The following SNAP23 variants were observed in gnomAD, a reference collection of about 807,000 sequenced individuals.
SNAP23 encodes the protein synaptosomal-associated protein 23.
In SNAP23, 11 loss-of-function variants were observed where a neutral mutation model predicts 29.0. That is an observed-to-expected ratio of 0.38 (90% CI 0.24 to 0.63). The LOEUF (loss-of-function observed/expected upper bound fraction) is 0.63, where lower values mean the gene tolerates loss of function less well. Among genes scored for constraint, SNAP23 ranks in the 20% least tolerant of loss-of-function variants. SNAP23 has a pLI of 0.58. For synonymous variants in SNAP23, 60 were observed against 82.9 expected (o/e 0.72, Z 1.50); for missense variants, 220 against 253.9 (o/e 0.87, Z 0.91).
At chr15:42,523,767 T>A (rs1327073298) in intron 5 of SNAP23, among the ~76,000 whole-genome samples, 1 of 152,178 alleles carries the variant, frequency 6.6e-6, no homozygotes, top group Non-Finnish European at 1.5e-5. Context: ...GGGATTTAGT[T>A]ATTTTACTCC....
In SNAP23 at chr15:42,530,300, C is replaced by T. The variant is rs556409192; in HGVS notation, c.570+481C>T. 1.5e-4 allele frequency among the ~76,000 whole-genome samples: 23 copies of T among 152,112 alleles called. No homozygotes were observed. In the South Asian group the frequency reaches 3.9e-3, roughly 26 times the overall value. Reference sequence around the variant, plus strand: ...TGAATCCTCATCTCATGAAAGAGTCCGTAGGTGAAAATCTGTTCTGCAGAA... The same window carrying T: ...TGAATCCTCATCTCATGAAAGAGTCTGTAGGTGAAAATCTGTTCTGCAGAA... On this transcript the variant is annotated intron_variant, in intron 7 of 7. Coordinates refer to ENST00000249647, the MANE Select transcript of SNAP23 (RefSeq NM_003825.4).
At chr15:42,502,920 T>C (rs547608511) in intron 1 of SNAP23, among the ~76,000 whole-genome samples, 1 of 152,312 alleles carries the variant, frequency 6.6e-6, no homozygotes, top group African/African-American at 2.4e-5. Flanking sequence ...ATCAAGCAAT[T>C]AAGTTACCAT....
upstream of SNAP23, among the ~76,000 whole-genome samples, chr15:42,493,383 T>A (rs940172006): frequency 1.8e-4 from 27 of 151,934 alleles, no homozygotes; most frequent in African/African-American, 6.5e-4. Context: ...TGTGTGTGCG[T>A]GTGTGTGTAT....
intron 1 of SNAP23, chr15:42,505,114 T>G (rs1595517316): frequency 6.6e-6 from 1 of 152,252 alleles, no homozygotes; most frequent in Non-Finnish European, 1.5e-5. Flanking sequence ...TTTTTCTTTT[T>G]TTTTCAGACA....
At chr15:42,521,128 T>C (rs925983578) in intron 5 of SNAP23, among the ~76,000 whole-genome samples, 1 of 152,222 alleles carries the variant, frequency 6.6e-6, no homozygotes, top group Non-Finnish European at 1.5e-5. Flanking sequence ...CCTCACATAG[T>C]ATTGGATATA....
chr15:42,494,252 G>A (rs114777406), upstream of SNAP23, among the ~76,000 whole-genome samples: 1,524 of 151,844 alleles, frequency 0.01, 32 homozygotes, highest in African/African-American at 0.036. Flanking sequence ...AAACTACTAA[G>A]TTGTTTTTTT....
rs1377900205 is a variant in SNAP23, at chr15:42,509,034, C to T, written c.-14-2799C>T. On this transcript the variant is annotated intron_variant, in intron 1 of 7. Transcript: ENST00000249647. The stretch of plus-strand genomic sequence containing the variant: ...GAGGGCAGGCTTTGGAGAGGTATCT[C>T]GGTTGGGGCTTTAGGAAGTGATGGA... Among the ~76,000 whole-genome samples the T allele has an allele frequency of 2.6e-5, 4 of 152,042 alleles. No homozygotes were observed. The East Asian group carries it at 5.8e-4, about 22-fold the overall frequency.
At chr15:42,508,934 A>G (rs116494729) in intron 1 of SNAP23, among the ~76,000 whole-genome samples, 4 of 152,282 alleles carry the variant, frequency 2.6e-5, no homozygotes, top group African/African-American at 7.2e-5. Flanking sequence ...ATTATTTTTC[A>G]TATTTTCTTC....
chr15:42,507,876 C>T (rs2057327300), intron 1 of SNAP23, among the ~76,000 whole-genome samples: 1 of 149,418 alleles, frequency 6.7e-6, no homozygotes, highest in Non-Finnish European at 1.5e-5. Context: ...TGCGTGGGTC[C>T]ACTTATAGGT....
At chr15:42,515,076 TATC>T (rs1240011630) in intron 4 of SNAP23, among the ~76,000 whole-genome samples, 158 bp from the exon 5 acceptor site, 3 of 152,210 alleles carry the variant, frequency 2.0e-5, no homozygotes, top group Admixed American at 1.3e-4. Flanking sequence ...GAAAGATTGT[TATC>T]ATGTTGAATC....
chr15:42,510,259 C>G (rs1055930603), intron 1 of SNAP23, among the ~76,000 whole-genome samples: 4 of 152,046 alleles, frequency 2.6e-5, no homozygotes, highest in African/African-American at 4.8e-5. Context: ...CCCCAACCTC[C>G]CCGGTAGCTG....
At chr15:42,519,157 C>T (rs1229204058) in intron 5 of SNAP23, among the ~76,000 whole-genome samples, 6 of 151,464 alleles carry the variant, frequency 4.0e-5, no homozygotes, top group Non-Finnish European at 4.4e-5. Context: ...TAGGTTCAAC[C>T]GATTCTCCTG....
At chr15:42,523,160 A>G (rs2057464717) in intron 5 of SNAP23, among the ~76,000 whole-genome samples, 1 of 151,348 alleles carries the variant, frequency 6.6e-6, no homozygotes, top group Admixed American at 6.6e-5. Context: ...CCATTTTTGA[A>G]TGAGACGTTT....
intron 4 of SNAP23, among the ~76,000 whole-genome samples, 156 bp from the exon 5 acceptor site, chr15:42,515,081 T>C (rs2057387707): frequency 6.6e-6 from 1 of 152,216 alleles, no homozygotes; most frequent in South Asian, 2.1e-4. Flanking sequence ...ATTGTTATCA[T>C]GTTGAATCGC....
At chr15:42,520,285 G>A (rs1247569608) in intron 5 of SNAP23, among the ~76,000 whole-genome samples, 8 of 151,888 alleles carry the variant, frequency 5.3e-5, no homozygotes, top group South Asian at 2.1e-4. Context: ...TCCTGACCAC[G>A]TGATCCATCC....
chr15:42,528,303 G>A lies in SNAP23; in HGVS notation c.308G>A (p.Trp103Ter). The A allele has an allele frequency of 6.2e-7, 1 of 1,614,076 alleles. No homozygotes were observed. Among genetic ancestry groups the A allele is most frequent in the Non-Finnish European group, 8.5e-7 (1 of 1,179,972 alleles). The change falls in exon 6 of 8, where the codon TGG becomes TAG. Residue 103 changes from tryptophan (W) to a stop codon, truncating the protein, a stop_gained. Transcript: ENST00000249647. LOFTEE classifies it high-confidence loss of function. The stretch of plus-strand genomic sequence containing the variant: ...TCTGGCAAGGCTTATAAGACAACAT[G>A]GGGAGATGGTGGAGAAAACTCACCT... ...FESGKAYKTTWGDGGENSPCN... is the reference protein window; with the variant it reads ...FESGKAYKTT
chr15:42,528,357 C>T lies in SNAP23; in HGVS notation c.362C>T (p.Pro121Leu), dbSNP rs745507637. ...AATGTAGTATCTAAACAGCCAGGCC[C>T]GGTGACAAATGGTCAGCTTCAGCAA... ...PCNVVSKQPG[P>L]VTNGQLQQPT... is the part of the protein sequence containing the mutation. Residue 121 changes from proline (P) to leucine (L), a missense_variant, in exon 6 of 8, where the codon CCG becomes CTG. Transcript: ENST00000249647. 54 of 1,613,928 alleles carry T rather than the reference C, an allele frequency of 3.3e-5. 1 individual carries two copies. Among genetic ancestry groups the T allele is most frequent in the Admixed American group, 1.0e-4 (6 of 59,972 alleles).
chr15:42,513,499 C>G (rs916776307), intron 4 of SNAP23, 52 bp downstream of exon 4: 1 of 1,470,928 alleles, frequency 6.8e-7, no homozygotes, highest in Admixed American at 1.7e-5. Flanking sequence ...TGCCAAAAAG[C>G]CCTATCAAAT....
intron 1 of SNAP23, among the ~76,000 whole-genome samples, chr15:42,497,590 A>G (rs1235027303): frequency 6.6e-6 from 1 of 151,396 alleles, no homozygotes; most frequent in Non-Finnish European, 1.5e-5. Flanking sequence ...TGATCCACCC[A>G]CCTCATCTTC....
Sources: gnomAD v4.1 joint callset for allele counts (sites outside exome capture counted in the v4.1 genomes callset) on GRCh38, gnomAD v4.1.1 for gene constraint, MANE v1.5 for transcripts, NCBI Gene and HGNC (gene_info 2026-07-23, HGNC 2026-07-21) for gene names.